CSMD1: variants seen among roughly 807,000 people sequenced by gnomAD.
CSMD1 encodes CUB and Sushi multiple domains 1.
In CSMD1, 213 loss-of-function variants were observed where a neutral mutation model predicts 417.5. The ratio of observed to expected loss-of-function variants is 0.51; its 90% confidence interval spans 0.46 to 0.57. The LOEUF is 0.57. Among genes scored for constraint, CSMD1 ranks in the 20% least tolerant of loss-of-function variants. The probability of loss-of-function intolerance (pLI) is 0.00; values close to 1 mark genes in which losing one functional copy is unlikely to be tolerated. For missense variants in CSMD1, 6,923 were observed against 4,529.7 expected, an observed-to-expected ratio of 1.53 and a Z score of -15.17; for synonymous variants, 2,862 against 1,736.8, an observed-to-expected ratio of 1.65 and a Z score of -16.11.
At chr8:4,734,021 C>T (rs186700104) in intron 1 of CSMD1, among the ~76,000 whole-genome samples, 1 of 152,064 alleles carries the variant, frequency 6.6e-6, no homozygotes, top group Non-Finnish European at 1.5e-5. Context: ...GTCCTTCTTA[C>T]AAAAATATTT....
chr8:4,823,653 T>A (rs1204086958), intron 1 of CSMD1, among the ~76,000 whole-genome samples: 1 of 151,974 alleles, frequency 6.6e-6, no homozygotes, highest in Non-Finnish European at 1.5e-5. Flanking sequence ...AGAATAGCAA[T>A]AATCACAACA....
At chr8:4,176,802 T>A (rs1275496396) in intron 3 of CSMD1, among the ~76,000 whole-genome samples, 1 of 148,198 alleles carries the variant, frequency 6.7e-6, no homozygotes, top group African/African-American at 2.5e-5. Context: ...AAAACAGACT[T>A]TAAACCAACA....
chr8:3,320,440 G>T (rs540841969), intron 23 of CSMD1, among the ~76,000 whole-genome samples: 2 of 152,098 alleles, frequency 1.3e-5, no homozygotes, highest in African/African-American at 4.8e-5. Context: ...TAAGCTCCTC[G>T]TACAAGTAAA....
At chr8:4,409,124 A>G (rs759193443) in intron 3 of CSMD1, among the ~76,000 whole-genome samples, 6 of 152,206 alleles carry the variant, frequency 3.9e-5, no homozygotes, top group Non-Finnish European at 8.8e-5. Flanking sequence ...ATGGCTATAA[A>G]TTATATTTAA....
At chr8:4,818,887 A>C (rs1455563132) in intron 1 of CSMD1, among the ~76,000 whole-genome samples, 1 of 152,238 alleles carries the variant, frequency 6.6e-6, no homozygotes, top group East Asian at 1.9e-4. Context: ...TACTAAAGAA[A>C]GTTCAGTTTA....
intron 5 of CSMD1, among the ~76,000 whole-genome samples, chr8:3,822,907 A>G (rs1185641491): frequency 6.6e-6 from 1 of 152,220 alleles, no homozygotes; most frequent in African/African-American, 2.4e-5. Flanking sequence ...CTCACTGTGC[A>G]GAGCTAAGTA....
Position 4,307,900 on chromosome 8 carries a change from G to C in CSMD1, c.415+112053C>G, listed in dbSNP as rs570953249. On this transcript the variant is annotated intron_variant, in intron 3 of 69. Transcript: ENST00000635120. ...TGTTCAGTAGAGAGGAGGCAGCAGA[G>C]GCACGTTTTTAGCAAGAGGACCCCC... 2.5e-4 allele frequency among the ~76,000 whole-genome samples: 38 copies of C among 152,276 alleles called. No individual in the cohort carries two copies. The South Asian group carries it at 3.5e-3, about 14-fold the overall frequency.
At chr8:4,523,933 G>T (rs59214655) in intron 2 of CSMD1, among the ~76,000 whole-genome samples, 9,408 of 152,070 alleles carry the variant, frequency 0.062, 356 homozygotes, top group African/African-American at 0.099. Context: ...GCTCCTCAAT[G>T]CTCTGTGAAA....
rs370489744 is a variant in CSMD1, at chr8:3,523,899, G to A, written c.1345-30173C>T. 1.3e-3 allele frequency among the ~76,000 whole-genome samples: 165 copies of A among 131,346 alleles called. 1 individual carries two copies. Among genetic ancestry groups the A allele is most frequent in the African/African-American group, 4.8e-3 (162 of 33,628 alleles). 86.2% of individuals were successfully genotyped at this position (131,346 alleles called of 152,430 possible). Reference sequence around the variant, plus strand: ...TGCACACACATGCACAGAGACATATGCACACATGTACACGCACACACACAT... The same window carrying A: ...TGCACACACATGCACAGAGACATATACACACATGTACACGCACACACACAT... On this transcript the variant is annotated intron_variant, in intron 10 of 69. Transcript: ENST00000635120.
intron 58 of CSMD1, 72 bp from the exon 59 acceptor site, chr8:2,966,026 T>G (rs1335952935): frequency 7.6e-7 from 1 of 1,314,160 alleles, no homozygotes; most frequent in African/African-American, 1.5e-5. Flanking sequence ...CCATTTCTAT[T>G]CAAGATACTC....
intron 3 of CSMD1, among the ~76,000 whole-genome samples, chr8:4,219,251 T>A (rs946080645): frequency 1.3e-5 from 2 of 152,236 alleles, no homozygotes; most frequent in East Asian, 3.9e-4. Flanking sequence ...CTAAATATAG[T>A]TACCACTTTA....
At chr8:4,014,770 G>T (rs533832763) in intron 4 of CSMD1, among the ~76,000 whole-genome samples, 1 of 152,118 alleles carries the variant, frequency 6.6e-6, no homozygotes, top group Non-Finnish European at 1.5e-5. Flanking sequence ...ATTTACCTGG[G>T]CATGGATTCA....
intron 50 of CSMD1, among the ~76,000 whole-genome samples, chr8:3,035,340 C>G (rs899145895): frequency 1.3e-5 from 2 of 152,144 alleles, no homozygotes; most frequent in African/African-American, 4.8e-5. Flanking sequence ...CTCACAACGA[C>G]ACTGAGACAG....
chr8:4,378,898 G>T (rs1595470), intron 3 of CSMD1, among the ~76,000 whole-genome samples: 1 of 152,080 alleles, frequency 6.6e-6, no homozygotes, highest in Non-Finnish European at 1.5e-5. Flanking sequence ...AATCCGCAAT[G>T]CTTGGGTCTT....
intron 1 of CSMD1, among the ~76,000 whole-genome samples, chr8:4,810,426 G>C (rs1180286146): frequency 6.6e-6 from 1 of 152,130 alleles, no homozygotes; most frequent in South Asian, 2.1e-4. Flanking sequence ...ACTATGCAGG[G>C]AAACTAAACA....
intron 1 of CSMD1, among the ~76,000 whole-genome samples, chr8:4,862,489 G>T (rs1289360856): frequency 2.0e-5 from 3 of 152,128 alleles, no homozygotes; most frequent in Non-Finnish European, 4.4e-5. Context: ...AAAGTCTGCA[G>T]TGATAAGCAG....
At chr8:4,651,689 C>T (rs1035736465) in intron 1 of CSMD1, among the ~76,000 whole-genome samples, 1 of 152,184 alleles carries the variant, frequency 6.6e-6, no homozygotes, top group Non-Finnish European at 1.5e-5. Context: ...TGATGATATT[C>T]TGTCATTATT....
intron 11 of CSMD1, among the ~76,000 whole-genome samples, chr8:3,482,865 C>T (rs1218481734): frequency 2.0e-5 from 3 of 152,090 alleles, no homozygotes; most frequent in Non-Finnish European, 4.4e-5. Flanking sequence ...TTAAATAACA[C>T]ATTTCTAAAT....
intron 5 of CSMD1, among the ~76,000 whole-genome samples, chr8:3,927,644 G>A (rs995263736): frequency 3.3e-5 from 5 of 152,030 alleles, no homozygotes; most frequent in Non-Finnish European, 7.4e-5. Flanking sequence ...CACACTCGGC[G>A]AAAGAGTGAA....
Sources: allele counts gnomAD v4.1 joint callset (sites outside exome capture counted in the v4.1 genomes callset), GRCh38; gene constraint gnomAD v4.1.1; transcripts MANE v1.5; gene names NCBI Gene and HGNC (gene_info 2026-07-23, HGNC 2026-07-21).